Variants in ADGRL2 observed in about 807,000 individuals in gnomAD.
The protein encoded by ADGRL2 is adhesion G protein-coupled receptor L2.
ADGRL2 carries 44 observed loss-of-function variants against 157.4 expected under a neutral mutation model. That is an observed-to-expected ratio of 0.28 (90% CI 0.22 to 0.36). ADGRL2 has a LOEUF of 0.36. Ranked by LOEUF, ADGRL2 falls within the 10% of genes least tolerant of loss-of-function variation. The pLI, the probability that ADGRL2 is intolerant of heterozygous loss-of-function variation, is 1.00. For synonymous variants in ADGRL2, 585 were observed against 624.7 expected (o/e 0.94, Z 0.95); for missense variants, 1,510 against 1,768.9 (o/e 0.85, Z 2.63).
chr1:81,390,723 A>T (rs2076530647), intron 1 of ADGRL2, among the ~76,000 whole-genome samples: 1 of 152,310 alleles, frequency 6.6e-6, no homozygotes, highest in Admixed American at 6.5e-5. Flanking sequence ...TACCTTGGAC[A>T]TGTTTCTGTA....
At chr1:81,682,621 T>C (rs2083143764) in intron 3 of ADGRL2, among the ~76,000 whole-genome samples, 2 of 152,166 alleles carry the variant, frequency 1.3e-5, no homozygotes, top group Non-Finnish European at 2.9e-5. Flanking sequence ...GGCAGCTCCA[T>C]GTGCATATTT....
chr1:81,715,567 A>G (rs2149098195), intron 1 of ADGRL2, among the ~76,000 whole-genome samples: 1 of 152,272 alleles, frequency 6.6e-6, no homozygotes, highest in East Asian at 1.9e-4. Flanking sequence ...TTTCTCATGA[A>G]TGAATATGAG....
At chr1:81,941,115 A>T (rs1352923) in intron 4 of ADGRL2, among the ~76,000 whole-genome samples, 16,698 of 151,474 alleles carry the variant, frequency 0.11, 1,827 homozygotes, top group East Asian at 0.57. Flanking sequence ...TAATCTAACC[A>T]TAATTCTTTC....
At chr1:81,384,218 T>A (rs2076395923) in intron 1 of ADGRL2, among the ~76,000 whole-genome samples, 1 of 152,188 alleles carries the variant, frequency 6.6e-6, no homozygotes, top group African/African-American at 2.4e-5. Flanking sequence ...ACTCATATAA[T>A]GGCATGTTAT....
rs185698790 is a variant in ADGRL2, at chr1:81,895,607, C to A, written c.74-11410C>A. Among the ~76,000 whole-genome samples, 513 of 152,032 alleles carry A rather than the reference C, an allele frequency of 3.4e-3. 21 individuals carry two copies. The South Asian group carries it at 0.054, about 16-fold the overall frequency. On this transcript the variant is annotated intron_variant, in intron 2 of 23. Transcript: ENST00000686636. ...ACGGGGTTTCACCATGTTGGCCAGG[C>A]TGGTCTCAAACTCCTGACCTCAGGT...
chr1:81,702,883 T>G (rs1175113769), intron 1 of ADGRL2, among the ~76,000 whole-genome samples: 2 of 152,046 alleles, frequency 1.3e-5, no homozygotes, highest in African/African-American at 4.8e-5. Context: ...TACTAAGGGA[T>G]AGGAGAGAAA....
intron 1 of ADGRL2, among the ~76,000 whole-genome samples, chr1:81,811,394 A>G (rs543313813): frequency 6.6e-6 from 1 of 151,908 alleles, no homozygotes; most frequent in South Asian, 2.1e-4. Context: ...CATGTTATCA[A>G]GGTGATATGT....
At chr1:81,849,521 A>G (rs563890691) in intron 2 of ADGRL2, among the ~76,000 whole-genome samples, 30 of 151,950 alleles carry the variant, frequency 2.0e-4, no homozygotes, top group Admixed American at 1.2e-3. Context: ...ATCATTTTAC[A>G]TAAAGTACTT....
intron 1 of ADGRL2, among the ~76,000 whole-genome samples, chr1:81,307,236 T>G (rs762949970): frequency 6.6e-6 from 1 of 152,226 alleles, no homozygotes; most frequent in Non-Finnish European, 1.5e-5. Flanking sequence ...TGAGAATGAT[T>G]TCAATAGCCA....
chr1:81,463,114 C>CAA (rs56920139), intron 2 of ADGRL2, among the ~76,000 whole-genome samples: 157 of 93,726 alleles, frequency 1.7e-3, no homozygotes, highest in Admixed American at 8.9e-3. Flanking sequence ...GACCATGTCT[C>CAA]AAAAAAAAAA....
At chr1:81,706,384 G>GA (rs2083738209) in intron 1 of ADGRL2, among the ~76,000 whole-genome samples, 1 of 151,978 alleles carries the variant, frequency 6.6e-6, no homozygotes, top group Admixed American at 6.6e-5. Context: ...TGACATTTTT[G>GA]AAAAAATAGG....
chr1:81,731,323 T>A (rs548536323), intron 1 of ADGRL2, among the ~76,000 whole-genome samples: 1 of 152,316 alleles, frequency 6.6e-6, no homozygotes, highest in South Asian at 2.1e-4. Flanking sequence ...TCCATTAGGC[T>A]TTTTAAATTC....
At chr1:81,556,912 C>T (rs915919969) in intron 2 of ADGRL2, among the ~76,000 whole-genome samples, 1 of 151,018 alleles carries the variant, frequency 6.6e-6, no homozygotes, top group African/African-American at 2.4e-5. Flanking sequence ...CCCATCTCTA[C>T]TAAAAATACA....
chr1:81,415,995 C>T (rs6682173), intron 1 of ADGRL2, among the ~76,000 whole-genome samples: 28,586 of 151,888 alleles, frequency 0.19, 2,821 homozygotes, highest in South Asian at 0.29. Context: ...CGCCCGCCAC[C>T]ATGCCAGGCT....
At chr1:81,846,559 A>T (rs1174603828) in intron 2 of ADGRL2, among the ~76,000 whole-genome samples, 1 of 151,826 alleles carries the variant, frequency 6.6e-6, no homozygotes, top group Non-Finnish European at 1.5e-5. Context: ...TAAAAAAAGG[A>T]TCCAAGTAAA....
intron 1 of ADGRL2, among the ~76,000 whole-genome samples, chr1:81,322,337 C>A (rs1343054168): frequency 6.6e-6 from 1 of 151,706 alleles, no homozygotes; most frequent in African/African-American, 2.4e-5. Context: ...CCAAATTACA[C>A]ATGAAACAAA....
intron 1 of ADGRL2, among the ~76,000 whole-genome samples, chr1:81,349,823 G>A (rs1390726585): frequency 6.6e-6 from 1 of 151,888 alleles, no homozygotes; most frequent in Non-Finnish European, 1.5e-5. Context: ...CTCTGGGAGT[G>A]ACCAGTTGGT....
At chr1:81,390,964 T>G (rs1354162095) in intron 1 of ADGRL2, among the ~76,000 whole-genome samples, 2 of 152,306 alleles carry the variant, frequency 1.3e-5, no homozygotes, top group Non-Finnish European at 2.9e-5. Flanking sequence ...ATGTATTTTC[T>G]CAATCAAAAG....
At chr1:81,414,554 G>A (rs1442354444) in intron 1 of ADGRL2, among the ~76,000 whole-genome samples, 2 of 152,200 alleles carry the variant, frequency 1.3e-5, no homozygotes, top group African/African-American at 4.8e-5. Flanking sequence ...TGCAAGGGAG[G>A]CTGGAAGGAT....
Sources: allele counts gnomAD v4.1 joint callset (sites outside exome capture counted in the v4.1 genomes callset), GRCh38; gene constraint gnomAD v4.1.1; transcripts MANE v1.5; gene names NCBI Gene and HGNC (gene_info 2026-07-23, HGNC 2026-07-21).